Variants in IGF2R observed in about 807,000 individuals in gnomAD.
IGF2R encodes insulin like growth factor 2 receptor.
In IGF2R, 91 loss-of-function variants were observed where a neutral mutation model predicts 270.6. The observed-to-expected ratio is 0.34, with a 90% CI of 0.28 to 0.40. IGF2R has a LOEUF of 0.40. Ranked by LOEUF, IGF2R falls within the 10% of genes least tolerant of loss-of-function variation. The pLI is 1.00. For missense variants in IGF2R, 2,805 were observed against 3,188.3 expected (o/e 0.88, Z 2.90); for synonymous variants, 1,316 against 1,258.9 (o/e 1.05, Z -0.96).
intron 1 of IGF2R, among the ~76,000 whole-genome samples, chr6:159,988,002 C>T (rs775103706): frequency 1.3e-5 from 2 of 152,208 alleles, no homozygotes; most frequent in Non-Finnish European, 2.9e-5. Context: ...TAACCACTTA[C>T]ATTTGATAAA....
At chr6:160,100,722 C>T (rs62440157) in intron 45 of IGF2R, among the ~76,000 whole-genome samples, 1 of 4,766 alleles carries the variant, frequency 2.1e-4, no homozygotes, top group African/African-American at 6.0e-4. Context: ...TCAGCAATTT[C>T]CCTTTTTTTT....
chr6:160,104,745 A>C lies in IGF2R; in HGVS notation c.7137A>C (p.Pro2379=). The stretch of plus-strand genomic sequence containing the variant: ...TGGAAGAGATCCAGCTGCCTCCTCC[A>C]CGGCAGGGAAAGGAAGGGCAGGAGA... ...WLMEEIQLPP[P]RQGKEGQENG... Residue 2379 remains proline (P), a synonymous_variant, in exon 48 of 48, where the codon CCA becomes CCC. Transcript: ENST00000356956. 2 of 1,614,104 alleles carry C rather than the reference A, an allele frequency of 1.2e-6. No homozygotes were observed. Among genetic ancestry groups the C allele is most frequent in the South Asian group, 1.1e-5 (1 of 91,072 alleles).
chr6:160,058,265 C>A, intron 21 of IGF2R, 141 bp downstream of exon 21: 1 of 633,532 alleles, frequency 1.6e-6, no homozygotes, highest in Non-Finnish European at 2.9e-6. Context: ...ATGGGAAAAT[C>A]CAGATTTAAG....
At chr6:160,080,437 T>G (rs570653458) in intron 39 of IGF2R, among the ~76,000 whole-genome samples, 162 bp downstream of exon 39, 2 of 152,336 alleles carry the variant, frequency 1.3e-5, no homozygotes, top group East Asian at 3.9e-4. Context: ...ACGTTTGAAT[T>G]GCTCTGTGGG....
chr6:160,068,134 A>C lies in IGF2R; in HGVS notation c.4116-115A>C, dbSNP rs554700987. On this transcript the variant is annotated intron_variant, in intron 29 of 47. Coordinates refer to ENST00000356956, the MANE Select transcript of IGF2R (RefSeq NM_000876.4). ...ACAGAGACAGAGAGAAGTCGAGTCT[A>C]AAGTTCTGTCAGGCTTAGACTATGC... 1.1e-5 allele frequency: 13 copies of C among 1,148,668 alleles called. No homozygotes were observed. The East Asian group carries it at 2.6e-4, about 23-fold the overall frequency. 71.2% of individuals were successfully genotyped at this position (1,148,668 alleles called of 1,614,324 possible). A position where few individuals can be genotyped will look rare whatever the true frequency, so the allele number is the denominator to read the frequency against.
chr6:160,081,144 A>T (rs1193779498), intron 39 of IGF2R, among the ~76,000 whole-genome samples: 1 of 151,736 alleles, frequency 6.6e-6, no homozygotes, highest in Non-Finnish European at 1.5e-5. Context: ...AAAAAAGAAA[A>T]ATTACTAATT....
At chr6:160,088,832 G>GTGTGT (rs1446887260) in intron 42 of IGF2R, among the ~76,000 whole-genome samples, 2 of 152,210 alleles carry the variant, frequency 1.3e-5, no homozygotes, top group Non-Finnish European at 2.9e-5. Context: ...ACTGATGTGT[G>GTGTGT]CACCACAGTC....
At chr6:159,986,310 C>T (rs184074402) in intron 1 of IGF2R, among the ~76,000 whole-genome samples, 2 of 151,056 alleles carry the variant, frequency 1.3e-5, no homozygotes, top group Non-Finnish European at 2.9e-5. Flanking sequence ...CGGCTCACTG[C>T]AACCTCCACC....
rs1296702122 is a variant in IGF2R at position 160,073,549 on chromosome 6, C to T, written c.4947+80C>T. The stretch of plus-strand genomic sequence containing the variant: ...GGGCCCCTTCGTCAGGTTCACTTGC[C>T]CACTAGTAGATGCCCAGCTGAACTG... On this transcript the variant is annotated intron_variant, in intron 34 of 47. Transcript: ENST00000356956. 5 of 1,512,086 alleles carry T rather than the reference C, an allele frequency of 3.3e-6. No homozygotes were observed. The Admixed American group carries it at 5.3e-5, about 16-fold the overall frequency. 93.7% of individuals were successfully genotyped at this position (1,512,086 alleles called of 1,614,324 possible). A position where few individuals can be genotyped will look rare whatever the true frequency, so the allele number is the denominator to read the frequency against.
At chr6:159,988,535 A>C (rs1448410674) in intron 1 of IGF2R, among the ~76,000 whole-genome samples, 2 of 151,470 alleles carry the variant, frequency 1.3e-5, no homozygotes, top group African/African-American at 2.4e-5. Flanking sequence ...AAAAAAAAAA[A>C]AGAAAAGCAT....
At chr6:160,071,582 G>A (rs1398209314) in intron 31 of IGF2R, among the ~76,000 whole-genome samples, 4 of 152,108 alleles carry the variant, frequency 2.6e-5, no homozygotes, top group African/African-American at 9.7e-5. Context: ...TTACACATTT[G>A]TGTCTCCCTG....
chr6:160,052,743 C>G (rs1778226950), intron 19 of IGF2R, among the ~76,000 whole-genome samples: 1 of 152,110 alleles, frequency 6.6e-6, no homozygotes, highest in African/African-American at 2.4e-5. Context: ...ATATATAGAC[C>G]AATGGAACCG....
intron 29 of IGF2R, among the ~76,000 whole-genome samples, chr6:160,066,744 T>C (rs1778593384): frequency 6.6e-6 from 1 of 152,304 alleles, no homozygotes; most frequent in South Asian, 2.1e-4. Flanking sequence ...TGTCCTCACC[T>C]GTGCTGTTCT....
chr6:160,032,571 A>G lies in IGF2R; in HGVS notation c.903A>G (p.Thr301=), dbSNP rs780565078. The change falls in exon 8 of 48, where the codon ACA becomes ACG. Residue 301 remains threonine, a synonymous_variant. Transcript: ENST00000356956. ...GATAGGGCACCATTCCCAAACTCACAGCTAAATCCAACTGCCGCTATGAAA... is the reference window on the plus strand; with the variant it reads ...GATAGGGCACCATTCCCAAACTCACGGCTAAATCCAACTGCCGCTATGAAA... ...ERREGTIPKL[T]AKSNCRYEIE... 1.9e-6 allele frequency: 3 copies of G among 1,614,072 alleles called. No individual in the cohort carries two copies. Among genetic ancestry groups the G allele is most frequent in the East Asian group, 2.2e-5 (1 of 44,886 alleles).
intron 1 of IGF2R, among the ~76,000 whole-genome samples, chr6:159,981,837 G>A (rs1340501776): frequency 6.6e-6 from 1 of 152,148 alleles, no homozygotes; most frequent in Non-Finnish European, 1.5e-5. Flanking sequence ...CTTAGATGTC[G>A]TGTTTGACTT....
intron 39 of IGF2R, among the ~76,000 whole-genome samples, chr6:160,081,688 G>A (rs2115284440): frequency 6.6e-6 from 1 of 152,324 alleles, no homozygotes. Context: ...AGGCGCCCCT[G>A]CCTTCCTCCC....
intron 16 of IGF2R, 100 bp from the exon 17 acceptor site, chr6:160,047,692 T>G (rs1172769240): frequency 8.8e-6 from 7 of 791,936 alleles, no homozygotes; most frequent in African/African-American, 1.7e-5. Context: ...TCTTCACAGT[T>G]TCTCATTGGG....
chr6:160,047,235 A>G lies in IGF2R; in HGVS notation c.2128A>G (p.Arg710Gly). Residue 710 changes from arginine (R) to glycine (G), a missense_variant, in exon 16 of 48, where the codon AGA (arginine) becomes GGA (glycine). Around this residue, in one of 2 missense-constraint regions of IGF2R, gnomAD observed 954 missense variants for 981.1 expected, o/e 0.97. Coordinates refer to ENST00000356956, the MANE Select transcript of IGF2R (RefSeq NM_000876.4). ...TGATGGGATGATCCAACTGAACTACAGAGGCGGCACACCCTATAACAATGA... is the reference window on the plus strand; with the variant it reads ...TGATGGGATGATCCAACTGAACTACGGAGGCGGCACACCCTATAACAATGA... ...YYDGMIQLNY[R>G]GGTPYNNERH... 6.2e-7 allele frequency: 1 copy of G among 1,614,080 alleles called. No homozygotes were observed. The highest frequency in any genetic ancestry group is 1.1e-5 in the South Asian group (1 of 91,084).
chr6:160,000,315 G>A (rs933445383), intron 2 of IGF2R, among the ~76,000 whole-genome samples: 2 of 152,190 alleles, frequency 1.3e-5, no homozygotes. Flanking sequence ...GGGGAAGCAG[G>A]CAGCTTCTTC....
Sources: gnomAD v4.1 joint callset for allele counts (sites outside exome capture counted in the v4.1 genomes callset) on GRCh38, gnomAD v4.1.1 for gene constraint, gnomAD v4.1.1 regional missense constraint, MANE v1.5 for transcripts, NCBI Gene and HGNC (gene_info 2026-07-23, HGNC 2026-07-21) for gene names.